STXBP3: variants seen among roughly 807,000 people sequenced by gnomAD.
STXBP3 encodes the protein syntaxin binding protein 3.
Under a neutral mutation model 85.7 loss-of-function variants are expected in STXBP3, and 41 were observed. That is an observed-to-expected ratio of 0.48 (90% CI 0.37 to 0.62). The LOEUF (loss-of-function observed/expected upper bound fraction) is 0.62, where lower values mean the gene tolerates loss of function less well. Among genes scored for constraint, STXBP3 ranks in the 20% least tolerant of loss-of-function variants. The pLI is 0.00. For synonymous variants in STXBP3, 229 were observed against 231.7 expected (o/e 0.99, Z 0.10); for missense variants, 563 against 703.1 (o/e 0.80, Z 2.25).
intron 2 of STXBP3, 65 bp downstream of exon 2, chr1:108,752,371 A>T: frequency 7.0e-7 from 1 of 1,425,530 alleles, no homozygotes; most frequent in Non-Finnish European, 9.8e-7. Flanking sequence ...ACAGTATAAA[A>T]ACTACATAGT....
intron 6 of STXBP3, among the ~76,000 whole-genome samples, chr1:108,765,328 A>G (rs1297421421): frequency 6.6e-6 from 1 of 152,244 alleles, no homozygotes; most frequent in African/African-American, 2.4e-5. Flanking sequence ...AACAAACAGG[A>G]GCCTCCATGG....
chr1:108,750,533 A>G (rs1014352673), intron 1 of STXBP3, among the ~76,000 whole-genome samples: 4 of 152,230 alleles, frequency 2.6e-5, no homozygotes, highest in African/African-American at 7.2e-5. Context: ...GCTTTTACTA[A>G]CAACATTTCT....
In STXBP3 at chr1:108,779,390, A is replaced by G; in HGVS notation, c.789A>G (p.Pro263=). 6.2e-7 allele frequency: 1 copy of G among 1,611,674 alleles called. No individual in the cohort carries two copies. The highest frequency in any genetic ancestry group is 8.5e-7 in the Non-Finnish European group (1 of 1,178,610). The change falls in exon 9 of 19, where the codon CCA becomes CCG. Residue 263 remains proline, a synonymous_variant. Transcript: ENST00000370008. ...TFQAMAYDLL[P]IENDTYKYKT... is the part of the protein sequence containing the mutation. ...AGGCAATGGCATATGATCTACTACC[A>G]ATTGAGAATGATACATACAAGCAAG...
intron 6 of STXBP3, among the ~76,000 whole-genome samples, 166 bp from the exon 7 acceptor site, chr1:108,772,499 A>G (rs1217410527): frequency 1.4e-5 from 2 of 146,758 alleles, no homozygotes; most frequent in African/African-American, 4.9e-5. Flanking sequence ...CATGATATCT[A>G]TCTATATATA....
intron 11 of STXBP3, among the ~76,000 whole-genome samples, chr1:108,784,654 A>G (rs975728170): frequency 9.2e-5 from 14 of 152,040 alleles, no homozygotes; most frequent in Non-Finnish European, 2.1e-4. Flanking sequence ...AGTCCCCTAC[A>G]GTCTTAACTC....
intron 9 of STXBP3, chr1:108,779,760 A>AC (rs1233426456): frequency 6.4e-6 from 1 of 155,924 alleles, no homozygotes; most frequent in African/African-American, 2.4e-5. Flanking sequence ...GTTAGGCTAT[A>AC]ATTGTTCTGA....
chr1:108,785,094 A>G (rs1269521621), intron 11 of STXBP3, among the ~76,000 whole-genome samples: 3 of 152,120 alleles, frequency 2.0e-5, no homozygotes. Context: ...TGGATCTACT[A>G]TTCTGGGATC....
chr1:108,775,917 TCAAA>T (rs898227442), intron 7 of STXBP3, among the ~76,000 whole-genome samples: 6 of 92,882 alleles, frequency 6.5e-5, no homozygotes, highest in African/African-American at 1.4e-4. Flanking sequence ...TAGATAAATC[TCAAA>T]CACACACACA....
intron 5 of STXBP3, 28 bp from the exon 6 acceptor site, chr1:108,759,957 T>C (rs376782168): frequency 1.5e-6 from 2 of 1,339,890 alleles, no homozygotes; most frequent in Admixed American, 2.2e-5. Context: ...TAGATGTAAC[T>C]ATATGCTTTG....
chr1:108,792,312 A>G lies in STXBP3; in HGVS notation c.964-1270A>G, dbSNP rs147122997. ...ACTTTGAAGTCTTTTTCTGCCAACAACATCTTAGGTCTACTTTTTGGGAGT... is the reference window on the plus strand; with the variant it reads ...ACTTTGAAGTCTTTTTCTGCCAACAGCATCTTAGGTCTACTTTTTGGGAGT... On this transcript the variant is annotated intron_variant, in intron 11 of 18. Coordinates refer to ENST00000370008, the MANE Select transcript of STXBP3 (RefSeq NM_007269.4). Among the ~76,000 whole-genome samples, 500 of 152,232 alleles carry G rather than the reference A, an allele frequency of 3.3e-3. 5 individuals carry two copies. The highest frequency in any genetic ancestry group is 0.011 in the African/African-American group (470 of 41,540).
intron 1 of STXBP3, among the ~76,000 whole-genome samples, chr1:108,747,618 T>C (rs1661818280): frequency 6.6e-6 from 1 of 152,226 alleles, no homozygotes; most frequent in Non-Finnish European, 1.5e-5. Flanking sequence ...AAGATAATTA[T>C]GGCCTAGTAG....
At chr1:108,769,563 G>A (rs1662338423) in intron 6 of STXBP3, among the ~76,000 whole-genome samples, 1 of 152,146 alleles carries the variant, frequency 6.6e-6, no homozygotes, top group South Asian at 2.1e-4. Context: ...AAGAGTAGAT[G>A]GAAGACAGGA....
intron 6 of STXBP3, among the ~76,000 whole-genome samples, chr1:108,769,952 A>G (rs868706670): frequency 6.6e-6 from 1 of 152,214 alleles, no homozygotes; most frequent in Non-Finnish European, 1.5e-5. Context: ...GAGCCACACA[A>G]TAGCTTTTAA....
intron 7 of STXBP3, among the ~76,000 whole-genome samples, chr1:108,775,612 G>C (rs1662570590): frequency 6.6e-6 from 1 of 151,942 alleles, no homozygotes; most frequent in Admixed American, 6.6e-5. Context: ...TTCTGCATGA[G>C]AATTGTTTTC....
intron 13 of STXBP3, 86 bp from the exon 14 acceptor site, chr1:108,796,148 C>T: frequency 1.4e-6 from 2 of 1,439,498 alleles, no homozygotes; most frequent in East Asian, 2.4e-5. Context: ...CAGGCGTGAG[C>T]CACTGTACCC....
At position 108,771,582 on chromosome 1, in the gene STXBP3, ATC is replaced by A. The variant is rs375893375; in HGVS notation, c.439-1081_439-1080del. Among the ~76,000 whole-genome samples, 53 of 35,638 alleles carry A rather than the reference ATC, an allele frequency of 1.5e-3. 6 individuals carry two copies. Among genetic ancestry groups the A allele is most frequent in the Non-Finnish European group, 2.3e-3 (41 of 17,904 alleles). The allele number at this position is 35,638 out of a possible 152,430, so 23.4% of individuals were successfully genotyped here. ...TGATATATAAATATATATGATATAT[ATC>A]TATATATATCATATATAAATATATA... On this transcript the variant is annotated intron_variant, in intron 6 of 18. Transcript: ENST00000370008.
At chr1:108,801,186 A>T (rs950348705) in intron 17 of STXBP3, among the ~76,000 whole-genome samples, 1 of 151,930 alleles carries the variant, frequency 6.6e-6, no homozygotes, top group Non-Finnish European at 1.5e-5. Flanking sequence ...ACTTGTTACC[A>T]TATTTTTCTT....
chr1:108,761,501 T>C (rs1662141267), intron 6 of STXBP3, among the ~76,000 whole-genome samples: 1 of 152,128 alleles, frequency 6.6e-6, no homozygotes, highest in African/African-American at 2.4e-5. Context: ...TGTGTAGATA[T>C]CTGAATAATT....
At chr1:108,763,153 A>G (rs1662177121) in intron 6 of STXBP3, among the ~76,000 whole-genome samples, 1 of 152,286 alleles carries the variant, frequency 6.6e-6, no homozygotes, top group African/African-American at 2.4e-5. Flanking sequence ...GATACAATCT[A>G]GAATTTGATT....
Sources: gnomAD v4.1 joint callset for allele counts (sites outside exome capture counted in the v4.1 genomes callset) on GRCh38, gnomAD v4.1.1 for gene constraint, MANE v1.5 for transcripts, NCBI Gene and HGNC (gene_info 2026-07-23, HGNC 2026-07-21) for gene names.